The following PRH1 variants were observed in gnomAD, a reference collection of about 807,000 sequenced individuals.
PRH1 encodes the protein proline rich protein HaeIII subfamily 1, also known as salivary acidic proline-rich phosphoprotein 1/2.
A neutral mutation model predicts 7.9 loss-of-function variants in PRH1; 7 were observed. The observed-to-expected ratio is 0.89, with a 90% CI of 0.50 to 1.67. The LOEUF (loss-of-function observed/expected upper bound fraction) is 1.67. Among genes scored for constraint, PRH1 ranks in the 40% most tolerant of loss-of-function variants. The pLI, the probability that PRH1 is intolerant of heterozygous loss-of-function variation, is 0.00. For synonymous variants in PRH1, 45 were observed against 80.8 expected (o/e 0.56, Z 2.38); for missense variants, 109 against 223.6 (o/e 0.49, Z 3.27).
At chr12:10,953,907 T>G (rs1481222247) in intron 2 of PRH1, among the ~76,000 whole-genome samples, 1 of 152,118 alleles carries the variant, frequency 6.6e-6, no homozygotes, top group African/African-American at 2.4e-5. Context: ...GAGCTAACAG[T>G]GGACCTGTTA....
intron 2 of PRH1, among the ~76,000 whole-genome samples, chr12:10,919,033 T>C (rs1020377282): frequency 5.9e-5 from 9 of 152,314 alleles, no homozygotes; most frequent in African/African-American, 2.2e-4. Context: ...TGTTTAAACA[T>C]GTCTTCCCAA....
At chr12:11,155,418 G>T (rs928097088) in intron 1 of PRH1, among the ~76,000 whole-genome samples, 1 of 152,144 alleles carries the variant, frequency 6.6e-6, no homozygotes, top group Non-Finnish European at 1.5e-5. Flanking sequence ...TAGAACATTA[G>T]AAACCAATTA....
At chr12:11,077,399 C>A in intron 1 of PRH1, 1 of 505,932 alleles carries the variant, frequency 2.0e-6, no homozygotes, top group South Asian at 2.9e-5. Flanking sequence ...TTCCTGCTTC[C>A]CATAATCAGG....
chr12:10,921,610 A>G (rs1950046426), intron 2 of PRH1, among the ~76,000 whole-genome samples: 1 of 151,724 alleles, frequency 6.6e-6, no homozygotes, highest in Non-Finnish European at 1.5e-5. Flanking sequence ...TTATATTTTG[A>G]TTTTCTATTT....
At chr12:11,055,216 A>C (rs973156982) in intron 1 of PRH1, among the ~76,000 whole-genome samples, 1 of 152,000 alleles carries the variant, frequency 6.6e-6, no homozygotes, top group Non-Finnish European at 1.5e-5. Flanking sequence ...GCATTGTTTA[A>C]CAACTACTTA....
chr12:11,078,451 T>C (rs7975933), intron 1 of PRH1: 8,135 of 61,930 alleles, frequency 0.13, 1,017 homozygotes, highest in African/African-American at 0.32. Flanking sequence ...ATAGAAAATA[T>C]TGTTATTCTC....
At chr12:11,080,133 CATCT>C (rs1944453288) in intron 1 of PRH1, among the ~76,000 whole-genome samples, 2 of 126,542 alleles carry the variant, frequency 1.6e-5, no homozygotes, top group South Asian at 4.6e-4. Context: ...AATTTATGAT[CATCT>C]TTTTTTAAAT....
chr12:11,033,821 T>C (rs1014854787), intron 1 of PRH1, among the ~76,000 whole-genome samples: 2 of 152,206 alleles, frequency 1.3e-5, no homozygotes, highest in African/African-American at 4.8e-5. Flanking sequence ...AATTTGTATA[T>C]TAAAGTTATA....
At chr12:11,082,243 T>C (rs117983946) in intron 1 of PRH1, among the ~76,000 whole-genome samples, 2,942 of 114,534 alleles carry the variant, frequency 0.026, 863 homozygotes, top group South Asian at 0.039. Context: ...TGATTTTGGT[T>C]TTCTTTTAAA....
At chr12:11,171,179 G>A in intron 1 of PRH1, 1 of 399,546 alleles carries the variant, frequency 2.5e-6, no homozygotes. Context: ...GGGGCGGAGC[G>A]CCAGCGGCGC....
rs575414652 is a variant in PRH1, at chr12:11,134,966, T to C, written n.40-13786A>G. On this transcript the variant is annotated intron_variant and non_coding_transcript_variant, in intron 1 of 1. Coordinates refer to the PRH1 transcript ENST00000541175. ...ATGGAACGAATTATTTTCTCATAAT[T>C]TCCAAAATAAAAAATCAGTTTCCAG... 3.3e-5 allele frequency among the ~76,000 whole-genome samples: 5 copies of C among 152,250 alleles called. No individual in the cohort carries two copies. The East Asian group carries it at 9.6e-4, about 29-fold the overall frequency.
chr12:10,968,669 A>G (rs1016857783), intron 2 of PRH1, among the ~76,000 whole-genome samples: 2 of 152,210 alleles, frequency 1.3e-5, no homozygotes, highest in Non-Finnish European at 2.9e-5. Flanking sequence ...AGAACCAGCC[A>G]GCTGCTTTAG....
intron 1 of PRH1, among the ~76,000 whole-genome samples, chr12:11,036,699 G>A (rs1352512195): frequency 6.6e-6 from 1 of 152,116 alleles, no homozygotes; most frequent in African/African-American, 2.4e-5. Flanking sequence ...TAAATGTATT[G>A]GAGCTTGACT....
chr12:10,893,402 T>C (rs1419725884), intron 2 of PRH1, among the ~76,000 whole-genome samples: 1 of 152,262 alleles, frequency 6.6e-6, no homozygotes, highest in African/African-American at 2.4e-5. Flanking sequence ...TGTTGTTTTT[T>C]CTTTTGTCTG....
Position 10,918,774 on chromosome 12 carries a change from C to G in PRH1, c.-58-34499G>C, listed in dbSNP as rs1232137615. On this transcript the variant is annotated intron_variant, in intron 2 of 3. Transcript: ENST00000539853. Reference sequence around the variant, plus strand: ...CATTTTACCATAGTACTATACTAAACTTACGTTTTTGTTTAAATGTGAGGC... The same window carrying G: ...CATTTTACCATAGTACTATACTAAAGTTACGTTTTTGTTTAAATGTGAGGC... Among the ~76,000 whole-genome samples the G allele has an allele frequency of 2.0e-5, 3 of 152,256 alleles. No homozygotes were observed. In the East Asian group the frequency reaches 5.8e-4, roughly 29 times the overall value.
chr12:10,882,981 G>A, intron 2 of PRH1, 80 bp downstream of exon 2: 4 of 1,543,930 alleles, frequency 2.6e-6, no homozygotes, highest in Non-Finnish European at 3.6e-6. Flanking sequence ...AGAAAATGGT[G>A]ATAAGAAGAC....
In PRH1 at chr12:10,922,835, T is replaced by TTTTTTTTTTTC. The variant is rs1325416386; in HGVS notation, c.-58-38561_-58-38560insGAAAAAAAAAA. ...TTCCATGAATTTTTTCTTTTTCTTTTTTTTGAGACGGAGTCTCGCTCTGTC... is the reference window on the plus strand; with the variant it reads ...TTCCATGAATTTTTTCTTTTTCTTTTTTTTTTTTTTCTTTTGAGACGGAGTCTCGCTCTGTC... On this transcript the variant is annotated intron_variant, in intron 2 of 3. Coordinates refer to the PRH1 transcript ENST00000539853. 3.4e-5 allele frequency among the ~76,000 whole-genome samples: 4 copies of TTTTTTTTTTTC among 117,450 alleles called. 1 individual carries two copies. The highest frequency in any genetic ancestry group is 7.7e-5 in the Non-Finnish European group (4 of 52,260). 77.1% of individuals were successfully genotyped at this position (117,450 alleles called of 152,430 possible).
chr12:11,160,954 C>T lies in PRH1; in HGVS notation n.39+10468G>A, dbSNP rs566708197. 4.6e-5 allele frequency among the ~76,000 whole-genome samples: 7 copies of T among 152,240 alleles called. No homozygotes were observed. The South Asian group carries it at 1.5e-3, about 32-fold the overall frequency. ...AAAATGCACTCTCCAACTTCCATGT[C>T]CTAAATTTCATGTTCTACTCTTTTT... On this transcript the variant is annotated intron_variant and non_coding_transcript_variant, in intron 1 of 1. Coordinates refer to the PRH1 transcript ENST00000541175.
rs774802527 is a variant in PRH1, at chr12:11,061,453, C to G, written n.124-14265G>C. ...AGTCTGCTTTAGCTTCTTGTTTCCC[C>G]AAATCAGGATGAATGGGTGGGTTGA... On this transcript the variant is annotated intron_variant and non_coding_transcript_variant, in intron 1 of 4. Transcript: ENST00000541977. 1.9e-6 allele frequency: 3 copies of G among 1,613,986 alleles called. No individual in the cohort carries two copies. The African/African-American group carries it at 4.0e-5, about 22-fold the overall frequency.
Sources: gnomAD v4.1 joint callset for allele counts (sites outside exome capture counted in the v4.1 genomes callset) on GRCh38, gnomAD v4.1.1 for gene constraint, MANE v1.5 for transcripts, NCBI Gene and HGNC (gene_info 2026-07-23, HGNC 2026-07-21) for gene names.